The following GLRA3 variants were observed in gnomAD, a reference collection of about 807,000 sequenced individuals.
The protein encoded by GLRA3 is glycine receptor alpha 3, also known as glycine receptor subunit alpha-3.
In GLRA3, 44 loss-of-function variants were observed where a neutral mutation model predicts 60.4. That is an observed-to-expected ratio of 0.73 (90% CI 0.57 to 0.94). The LOEUF is 0.94. GLRA3 is among the 40% of genes least tolerant of loss of function. The probability of loss-of-function intolerance (pLI) is 0.00; values close to 1 mark genes in which losing one functional copy is unlikely to be tolerated. For synonymous variants in GLRA3, 223 were observed against 192.9 expected, an observed-to-expected ratio of 1.16 and a Z score of -1.29; for missense variants, 508 against 564.6, an observed-to-expected ratio of 0.90 and a Z score of 1.02.
chr4:174,750,367 G>A (rs572306134), intron 3 of GLRA3, among the ~76,000 whole-genome samples: 1 of 152,188 alleles, frequency 6.6e-6, no homozygotes, highest in African/African-American at 2.4e-5. Flanking sequence ...TATGCTGAAT[G>A]ATGTTTATAT....
chr4:174,643,911 G>A lies in GLRA3; in HGVS notation c.1270C>T (p.Arg424Trp), dbSNP rs369207686. The change falls in exon 10 of 10, where the codon CGG (arginine) becomes TGG (tryptophan). Residue 424 changes from arginine (R) to tryptophan (W), a missense_variant. Transcript: ENST00000274093. ...PDEMRKVFID[R>W]AKKIDTISRA... ...GAGATGGTATCAATCTTCTTGGCCC[G>A]GTCGATAAAGACCTTCCTCATTTCA... The A allele has an allele frequency of 9.9e-6, 16 of 1,613,876 alleles. No homozygotes were observed. The highest frequency in any genetic ancestry group is 5.3e-5 in the African/African-American group (4 of 74,874).
At chr4:174,770,463 G>A (rs959616075) in intron 2 of GLRA3, among the ~76,000 whole-genome samples, 2 of 152,074 alleles carry the variant, frequency 1.3e-5, no homozygotes, top group African/African-American at 4.8e-5. Context: ...TACAGAGAGA[G>A]GAGTCAGGGC....
At chr4:174,650,250 C>T (rs563397885) in intron 9 of GLRA3, among the ~76,000 whole-genome samples, 50 of 152,224 alleles carry the variant, frequency 3.3e-4, no homozygotes, top group African/African-American at 1.2e-3. Context: ...TTGGCAGGTA[C>T]ATTTTGGATT....
At chr4:174,821,357 T>A (rs1413912335) in intron 1 of GLRA3, among the ~76,000 whole-genome samples, 4 of 152,232 alleles carry the variant, frequency 2.6e-5, no homozygotes, top group African/African-American at 9.6e-5. Flanking sequence ...CCTAGTAAAA[T>A]TCAAAATAAA....
intron 1 of GLRA3, among the ~76,000 whole-genome samples, chr4:174,796,639 C>A (rs922060851): frequency 2.6e-5 from 4 of 151,974 alleles, no homozygotes; most frequent in East Asian, 1.9e-4. Flanking sequence ...TGGGTTCAAG[C>A]GATTCTCCTG....
intron 1 of GLRA3, among the ~76,000 whole-genome samples, chr4:174,791,899 A>G (rs573270274): frequency 3.5e-4 from 53 of 152,244 alleles, no homozygotes; most frequent in Non-Finnish European, 6.5e-4. Flanking sequence ...AATTCTGTAA[A>G]GTCTACTTTC....
At position 174,653,033 on chromosome 4, in the gene GLRA3, G is replaced by A. The variant is rs141695132; in HGVS notation, c.1116+3710C>T. ...AGTTTCTCCCTTAGTAGGTACCTTTGGGGCAATGCTTATACAATTAAAGTA... is the reference window on the plus strand; with the variant it reads ...AGTTTCTCCCTTAGTAGGTACCTTTAGGGCAATGCTTATACAATTAAAGTA... On this transcript the variant is annotated intron_variant, in intron 9 of 9. Coordinates refer to ENST00000274093, the MANE Select transcript of GLRA3 (RefSeq NM_006529.4). Among the ~76,000 whole-genome samples the A allele has an allele frequency of 3.3e-5, 5 of 152,096 alleles. No individual in the cohort carries two copies. In the East Asian group the frequency reaches 9.6e-4, roughly 29 times the overall value.
intron 2 of GLRA3, among the ~76,000 whole-genome samples, chr4:174,778,802 A>C (rs1377668273): frequency 6.6e-6 from 1 of 152,180 alleles, no homozygotes; most frequent in Non-Finnish European, 1.5e-5. Flanking sequence ...TATACCCCGC[A>C]CCTGGCTTGG....
intron 1 of GLRA3, among the ~76,000 whole-genome samples, chr4:174,816,955 A>G (rs564572964): frequency 1.2e-4 from 18 of 152,058 alleles, no homozygotes; most frequent in African/African-American, 4.1e-4. Context: ...CCCCTCAACT[A>G]TTTCCATATT....
chr4:174,761,467 A>G (rs1451075693), intron 3 of GLRA3, among the ~76,000 whole-genome samples: 1 of 152,186 alleles, frequency 6.6e-6, no homozygotes, highest in East Asian at 1.9e-4. Context: ...CCATGCATCT[A>G]TGTACACCGA....
At chr4:174,699,990 ATAAAT>A (rs1240732546) in intron 5 of GLRA3, among the ~76,000 whole-genome samples, 1 of 152,098 alleles carries the variant, frequency 6.6e-6, no homozygotes, top group Non-Finnish European at 1.5e-5. Context: ...GTCCTAATTT[ATAAAT>A]TGTTAAGTAT....
intron 2 of GLRA3, among the ~76,000 whole-genome samples, chr4:174,776,339 G>A (rs1738598588): frequency 6.6e-6 from 1 of 152,042 alleles, no homozygotes; most frequent in African/African-American, 2.4e-5. Context: ...CAGAAAAATG[G>A]CCCTCCTATA....
At chr4:174,823,857 A>T (rs988686090) in intron 1 of GLRA3, among the ~76,000 whole-genome samples, 2 of 152,186 alleles carry the variant, frequency 1.3e-5, no homozygotes, top group African/African-American at 4.8e-5. Flanking sequence ...GGTCCTTGAG[A>T]TAAATAGCAT....
At chr4:174,665,705 A>G (rs1733642531) in intron 7 of GLRA3, among the ~76,000 whole-genome samples, 5 of 152,158 alleles carry the variant, frequency 3.3e-5, no homozygotes, top group Admixed American at 3.3e-4. Context: ...CCACTTATGT[A>G]TCTTCTGCTT....
At chr4:174,677,370 T>G in intron 6 of GLRA3, 78 bp from the exon 7 acceptor site, 1 of 840,784 alleles carries the variant, frequency 1.2e-6, no homozygotes. Flanking sequence ...AATTTCTCTT[T>G]TTTTTTTGAG....
chr4:174,711,100 G>A (rs912948871), intron 5 of GLRA3, among the ~76,000 whole-genome samples: 3 of 151,720 alleles, frequency 2.0e-5, no homozygotes, highest in Non-Finnish European at 4.4e-5. Flanking sequence ...TAATGTATGG[G>A]AATTTGTAGC....
chr4:174,737,465 C>T (rs1283856967), intron 3 of GLRA3, among the ~76,000 whole-genome samples: 4 of 151,958 alleles, frequency 2.6e-5, no homozygotes, highest in Non-Finnish European at 5.9e-5. Flanking sequence ...ATAATTATTC[C>T]AATAATTATT....
intron 6 of GLRA3, among the ~76,000 whole-genome samples, chr4:174,679,063 C>A (rs1039826673): frequency 6.6e-6 from 1 of 151,868 alleles, no homozygotes; most frequent in Non-Finnish European, 1.5e-5. Flanking sequence ...CAAATCAAAA[C>A]CACAATAAGT....
chr4:174,826,995 C>A (rs1740997457), intron 1 of GLRA3, among the ~76,000 whole-genome samples: 1 of 150,588 alleles, frequency 6.6e-6, no homozygotes, highest in Non-Finnish European at 1.5e-5. Flanking sequence ...TCATCTAAGA[C>A]TAGTCATGGA....
Sources: gnomAD v4.1 joint callset for allele counts (sites outside exome capture counted in the v4.1 genomes callset) on GRCh38, gnomAD v4.1.1 for gene constraint, MANE v1.5 for transcripts, NCBI Gene and HGNC (gene_info 2026-07-23, HGNC 2026-07-21) for gene names.